Variants in UNC93A observed in about 807,000 individuals in gnomAD.
The protein encoded by UNC93A is N-acetylglucosamine transporter UNC93A.
A neutral mutation model predicts 47.5 loss-of-function variants in UNC93A; 43 were observed. The ratio of observed to expected loss-of-function variants is 0.91; its 90% CI spans 0.71 to 1.17. The LOEUF (loss-of-function observed/expected upper bound fraction) is 1.17, where lower values mean the gene tolerates loss of function less well. UNC93A is among the 50% of genes most tolerant of loss of function. The probability of loss-of-function intolerance (pLI) is 0.00; values close to 1 mark genes in which losing one functional copy is unlikely to be tolerated. For missense variants in UNC93A, 605 were observed against 577.6 expected (o/e 1.05, Z -0.49); for synonymous variants, 280 against 258.0 (o/e 1.09, Z -0.82).
At chr6:167,295,172 G>C (rs993186356) in intron 2 of UNC93A, among the ~76,000 whole-genome samples, 1 of 152,142 alleles carries the variant, frequency 6.6e-6, no homozygotes, top group African/African-American at 2.4e-5. Context: ...ATGGACCACA[G>C]AGACTGAGCT....
chr6:167,282,148 A>G lies in UNC93A; in HGVS notation c.-51-9291A>G, dbSNP rs1583062735. On this transcript the variant is annotated intron_variant, in intron 1 of 3. Coordinates refer to the UNC93A transcript ENST00000503433. ...ATCGTAGACTTTCCTGGGACGGTAG[A>G]CAAGTTTCAGACAGGGTGATGTAGA... 4.6e-5 allele frequency among the ~76,000 whole-genome samples: 7 copies of G among 152,314 alleles called. No homozygotes were observed. The South Asian group carries it at 1.4e-3, about 32-fold the overall frequency.
chr6:167,274,682 G>A (rs1274404617), intron 1 of UNC93A, among the ~76,000 whole-genome samples: 1 of 152,116 alleles, frequency 6.6e-6, no homozygotes, highest in African/African-American at 2.4e-5. Flanking sequence ...TACGTGACAT[G>A]GGCACCTTCT....
At chr6:167,278,155 A>T (rs954587345) in intron 1 of UNC93A, among the ~76,000 whole-genome samples, 2 of 152,212 alleles carry the variant, frequency 1.3e-5, no homozygotes, top group African/African-American at 4.8e-5. Flanking sequence ...ACAAAGGAAA[A>T]AGGGACACAT....
intron 4 of UNC93A, among the ~76,000 whole-genome samples, chr6:167,300,983 T>G (rs1562354310): frequency 6.6e-6 from 1 of 152,264 alleles, no homozygotes; most frequent in African/African-American, 2.4e-5. Flanking sequence ...TTGTTGCAAT[T>G]GTTCAACATT....
intron 7 of UNC93A, among the ~76,000 whole-genome samples, chr6:167,310,335 A>G (rs547100401): frequency 6.6e-6 from 1 of 152,420 alleles, no homozygotes; most frequent in African/African-American, 2.4e-5. Context: ...GTGATCATTC[A>G]TATTTGGTTT....
intron 1 of UNC93A, among the ~76,000 whole-genome samples, chr6:167,272,928 TC>T: frequency 6.6e-6 from 1 of 152,162 alleles, no homozygotes; most frequent in East Asian, 1.9e-4. Context: ...GGCCCCCACT[TC>T]CCGTCGTGGC....
intron 1 of UNC93A, among the ~76,000 whole-genome samples, chr6:167,277,536 G>A (rs370554423): frequency 6.6e-6 from 1 of 152,196 alleles, no homozygotes; most frequent in East Asian, 1.9e-4. Flanking sequence ...AAGGGCAGAA[G>A]AGGCAGATTG....
chr6:167,301,838 G>A (rs760596609), intron 4 of UNC93A, among the ~76,000 whole-genome samples: 2 of 152,188 alleles, frequency 1.3e-5, no homozygotes, highest in Non-Finnish European at 2.9e-5. Flanking sequence ...AGTCAGCTCA[G>A]GGGGTCGGCT....
At chr6:167,307,307 A>T (rs928816541) in intron 6 of UNC93A, among the ~76,000 whole-genome samples, 1 of 152,236 alleles carries the variant, frequency 6.6e-6, no homozygotes, top group Non-Finnish European at 1.5e-5. Flanking sequence ...AGCAGCACGC[A>T]TACACATCAG....
intron 1 of UNC93A, among the ~76,000 whole-genome samples, chr6:167,278,587 A>G (rs1270134265): frequency 6.6e-6 from 1 of 152,252 alleles, no homozygotes; most frequent in Non-Finnish European, 1.5e-5. Context: ...ACAAGCAAGA[A>G]CACCAGTAAC....
chr6:167,275,459 T>G (rs1027027602), intron 1 of UNC93A, among the ~76,000 whole-genome samples: 1 of 152,228 alleles, frequency 6.6e-6, no homozygotes, highest in Non-Finnish European at 1.5e-5. Flanking sequence ...TCTCCACATT[T>G]GGGCTTTCAT....
upstream of UNC93A, among the ~76,000 whole-genome samples, chr6:167,289,852 C>A (rs1356043814): frequency 6.6e-6 from 1 of 151,962 alleles, no homozygotes; most frequent in Non-Finnish European, 1.5e-5. Context: ...ATCGATAACA[C>A]GGTTAGTATG....
chr6:167,286,977 C>CAAAAAA, upstream of UNC93A, among the ~76,000 whole-genome samples: 1 of 109,990 alleles, frequency 9.1e-6, no homozygotes, highest in Non-Finnish European at 1.9e-5. Flanking sequence ...GACTCTGTCT[C>CAAAAAA]AAAAAAAAAA....
chr6:167,313,735 C>G (rs1349690727), intron 7 of UNC93A, among the ~76,000 whole-genome samples: 1 of 152,136 alleles, frequency 6.6e-6, no homozygotes, highest in Non-Finnish European at 1.5e-5. Context: ...AGCCACAGAA[C>G]ATGGCATGAT....
At chr6:167,289,307 C>A (rs937346001), upstream of UNC93A, among the ~76,000 whole-genome samples, 9 of 152,136 alleles carry the variant, frequency 5.9e-5, no homozygotes, top group Non-Finnish European at 1.0e-4. Context: ...GCCCTGGTCA[C>A]AGGAACACTG....
chr6:167,307,563 G>A lies in UNC93A; in HGVS notation c.977-216G>A, dbSNP rs142204342. Among the ~76,000 whole-genome samples the A allele has an allele frequency of 5.3e-5, 8 of 151,028 alleles. No individual in the cohort carries two copies. The East Asian group carries it at 5.9e-4, about 11-fold the overall frequency. On this transcript the variant is annotated intron_variant, in intron 6 of 7. Transcript: ENST00000230256. ...TTGAGACAGTTGAGATGGTTGAGAC[G>A]GTTCCAGAGGACGGTTGAGATAGTT...
rs182081999 is a variant in UNC93A at position 167,282,047 on chromosome 6, C to A, written c.-51-9392C>A. ...CATGTGTGTTGTGAGAGATAAAAAA[C>A]AAACAGACCAGCAGACTAATTTTTA... On this transcript the variant is annotated intron_variant, in intron 1 of 3. Transcript: ENST00000503433. 2.6e-5 allele frequency among the ~76,000 whole-genome samples: 4 copies of A among 152,236 alleles called. No individual in the cohort carries two copies. The South Asian group carries it at 8.3e-4, about 32-fold the overall frequency.
chr6:167,299,551 G>A (rs1778183328), intron 4 of UNC93A, among the ~76,000 whole-genome samples: 1 of 152,188 alleles, frequency 6.6e-6, no homozygotes, highest in Admixed American at 6.5e-5. Context: ...CTAGAAGCTC[G>A]CCTTTAGTAA....
chr6:167,308,636 C>G (rs111348525), intron 7 of UNC93A, among the ~76,000 whole-genome samples: 1 of 147,070 alleles, frequency 6.8e-6, no homozygotes, highest in Admixed American at 6.8e-5. Flanking sequence ...CCTAAGAAGG[C>G]GGCCTGGGGG....
Sources: gnomAD v4.1 joint callset for allele counts (sites outside exome capture counted in the v4.1 genomes callset) on GRCh38, gnomAD v4.1.1 for gene constraint, MANE v1.5 for transcripts, NCBI Gene and HGNC (gene_info 2026-07-23, HGNC 2026-07-21) for gene names.